Variants in LRRC4B observed in about 807,000 individuals in gnomAD.
LRRC4B encodes the protein leucine rich repeat containing 4B.
Under a neutral mutation model 7.3 loss-of-function variants are expected in LRRC4B, and 1 was observed. The observed-to-expected ratio is 0.14, with a 90% CI of 0.05 to 0.65. The LOEUF is 0.65. LRRC4B is among the 30% of genes least tolerant of loss of function. The pLI, the probability that LRRC4B is intolerant of heterozygous loss-of-function variation, is 0.84. For synonymous variants in LRRC4B, 500 were observed against 499.2 expected (o/e 1.00, Z -0.02); for missense variants, 730 against 1,041.6 (o/e 0.70, Z 4.12).
At chr19:50,533,883 A>G (rs1981157432) in intron 2 of LRRC4B, among the ~76,000 whole-genome samples, 1 of 152,178 alleles carries the variant, frequency 6.6e-6, no homozygotes, top group Non-Finnish European at 1.5e-5. Context: ...CACAGGCTCC[A>G]AAGTTGCAGA....
chr19:50,541,063 A>G (rs1414617637), intron 2 of LRRC4B, among the ~76,000 whole-genome samples: 1 of 151,888 alleles, frequency 6.6e-6, no homozygotes, highest in African/African-American at 2.4e-5. Flanking sequence ...GGGTGCCTGT[A>G]GTCCCAGCTA....
intron 2 of LRRC4B, among the ~76,000 whole-genome samples, chr19:50,531,933 C>T (rs77080826): frequency 0.014 from 2,073 of 152,272 alleles, 55 homozygotes; most frequent in African/African-American, 0.048. Flanking sequence ...ATCATTAACA[C>T]TGGTCCTGGC....
intron 2 of LRRC4B, among the ~76,000 whole-genome samples, chr19:50,525,135 C>A (rs7257813): frequency 1.2e-4 from 19 of 152,070 alleles, no homozygotes; most frequent in Non-Finnish European, 2.5e-4. Flanking sequence ...AGAGCAGAGC[C>A]CTGTTCAAAT....
chr19:50,542,126 ATTAGGAGGACT>A (rs1371556456), intron 2 of LRRC4B, among the ~76,000 whole-genome samples: 2 of 152,232 alleles, frequency 1.3e-5, no homozygotes, highest in African/African-American at 2.4e-5. Flanking sequence ...CAGTAAACAC[ATTAGGAGGACT>A]TTCTGTGGGG....
chr19:50,546,287 G>A (rs1477447601), intron 2 of LRRC4B, among the ~76,000 whole-genome samples: 3 of 151,952 alleles, frequency 2.0e-5, no homozygotes, highest in South Asian at 4.1e-4. Flanking sequence ...ATGAGCCAAC[G>A]TTGCGCCACT....
In LRRC4B at chr19:50,548,357, G is replaced by C. The variant is rs111240218; in HGVS notation, c.297+185C>G. Among the ~76,000 whole-genome samples the C allele has an allele frequency of 6.0e-3, 909 of 152,384 alleles. 12 individuals are homozygous for C. Among genetic ancestry groups the C allele is most frequent in the African/African-American group, 0.02 (827 of 41,596 alleles). ...AGGGAGCACTGTGCTCTCAAAGCCC[G>C]GAGGGCCTCCACTCCACCTCGGGAG... On this transcript the variant is annotated intron_variant, in intron 2 of 2. Transcript: ENST00000652263. The surrounding 1 kb of genome is among the most constrained non-coding windows in gnomAD (Gnocchi z 6.8).
At chr19:50,566,576 G>A (rs1206953829) in intron 1 of LRRC4B, among the ~76,000 whole-genome samples, 1 of 132,298 alleles carries the variant, frequency 7.6e-6, no homozygotes, top group Admixed American at 7.3e-5. Context: ...GGAGGCGAAG[G>A]GGTGGAGGGG....
chr19:50,542,920 C>T (rs973112840), intron 2 of LRRC4B, among the ~76,000 whole-genome samples: 17 of 152,170 alleles, frequency 1.1e-4, no homozygotes, highest in Non-Finnish European at 2.2e-4. Context: ...ACCGTCACCC[C>T]GTGGACTTAG....
chr19:50,563,293 C>G lies in LRRC4B; in HGVS notation c.-36+4651G>C, dbSNP rs1174333383. On this transcript the variant is annotated intron_variant, in intron 1 of 2. Coordinates refer to ENST00000652263, the MANE Select transcript of LRRC4B (RefSeq NM_001080457.2). This position sits in a 1 kb window ranked among gnomAD's most constrained non-coding sequence, Gnocchi z 4.9. Reference sequence around the variant, plus strand: ...CACTCTCCTTACTCTCCTGCCACCCCCTGTCTGGCGGAGCCAGCCCAGCCT... The same window carrying G: ...CACTCTCCTTACTCTCCTGCCACCCGCTGTCTGGCGGAGCCAGCCCAGCCT... Among the ~76,000 whole-genome samples, 1 of 152,228 alleles carries G rather than the reference C, an allele frequency of 6.6e-6. No homozygotes were observed. The highest frequency in any genetic ancestry group is 1.5e-5 in the Non-Finnish European group (1 of 68,030).
intron 2 of LRRC4B, among the ~76,000 whole-genome samples, chr19:50,524,651 C>A (rs1980721911): frequency 6.6e-6 from 1 of 152,210 alleles, no homozygotes; most frequent in South Asian, 2.1e-4. Context: ...ATTTATTTAG[C>A]TCAACAGGTC....
At position 50,537,452 on chromosome 19, in the gene LRRC4B, A is replaced by G. The variant is rs1197550727; in HGVS notation, c.297+11090T>C. 6.6e-6 allele frequency among the ~76,000 whole-genome samples: 1 copy of G among 152,190 alleles called. No individual in the cohort carries two copies. The highest frequency in any genetic ancestry group is 1.5e-5 in the Non-Finnish European group (1 of 68,040). On this transcript the variant is annotated intron_variant, in intron 2 of 2. Transcript: ENST00000652263. This position sits in a 1 kb window ranked among gnomAD's most constrained non-coding sequence, Gnocchi z 5.5. ...TGGTCTATTTTCTAGACGAGAAGGC[A>G]GGCTCAGAGAGGTGACTCAACGCCT...
chr19:50,535,078 C>A (rs1341834196), intron 2 of LRRC4B, among the ~76,000 whole-genome samples: 1 of 152,052 alleles, frequency 6.6e-6, no homozygotes, highest in Non-Finnish European at 1.5e-5. Context: ...CTGTGTTAGC[C>A]AGGATGGTCT....
At chr19:50,543,745 C>T (rs1022549758) in intron 2 of LRRC4B, among the ~76,000 whole-genome samples, 2 of 145,830 alleles carry the variant, frequency 1.4e-5, no homozygotes, top group Admixed American at 1.4e-4. Context: ...CTCAGCTACT[C>T]GGGAGGCTAA....
Position 50,518,315 on chromosome 19 carries a change from G to T in LRRC4B, c.1398C>A (p.Ser466Arg), listed in dbSNP as rs1017785351. 6 of 1,605,314 alleles carry T rather than the reference G, an allele frequency of 3.7e-6. No individual in the cohort carries two copies. The highest frequency in any genetic ancestry group is 4.2e-6 in the Non-Finnish European group (5 of 1,176,792). ...CACTGCCCCCAGGGCCGCCCCCGCC[G>T]CTGCCGGTGCCCCCGGCCGCCACGG... is the stretch of plus-strand genomic sequence containing the variant. ...VDPVAAGGTG[S>R]GGGGPGGSGG... Residue 466 changes from serine (S) to arginine (R), a missense_variant, in exon 3 of 3, where the codon AGC becomes AGA. Coordinates refer to ENST00000652263, the MANE Select transcript of LRRC4B (RefSeq NM_001080457.2).
At chr19:50,557,900 CA>C (rs1263647544) in intron 1 of LRRC4B, 1 of 152,124 alleles carries the variant, frequency 6.6e-6, no homozygotes, top group African/African-American at 2.4e-5. Context: ...TGAAGACAAT[CA>C]GGGGAGCCCG....
At chr19:50,527,929 G>C (rs1389386860) in intron 2 of LRRC4B, among the ~76,000 whole-genome samples, 1 of 151,708 alleles carries the variant, frequency 6.6e-6, no homozygotes, top group Non-Finnish European at 1.5e-5. Flanking sequence ...TTTTAGTAGA[G>C]ACGGGGTTTC....
At chr19:50,528,641 G>A (rs1419780279) in intron 2 of LRRC4B, among the ~76,000 whole-genome samples, 1 of 152,184 alleles carries the variant, frequency 6.6e-6, no homozygotes, top group African/African-American at 2.4e-5. Flanking sequence ...CACTGCGCCC[G>A]GCCGATTTTT....
At chr19:50,565,575 AATCT>A (rs1982603649) in intron 1 of LRRC4B, among the ~76,000 whole-genome samples, 1 of 144,592 alleles carries the variant, frequency 6.9e-6, no homozygotes, top group Non-Finnish European at 1.5e-5. Context: ...CTGCCAGGGG[AATCT>A]TTGCCTCCAC....
At chr19:50,536,817 G>A (rs1429673744) in intron 2 of LRRC4B, among the ~76,000 whole-genome samples, 1 of 152,196 alleles carries the variant, frequency 6.6e-6, no homozygotes, top group Non-Finnish European at 1.5e-5. Context: ...GGGTGGGAAG[G>A]AAGGGGCTGG....
Sources: allele counts gnomAD v4.1 joint callset (sites outside exome capture counted in the v4.1 genomes callset), GRCh38; gene constraint gnomAD v4.1.1; non-coding constraint Gnocchi (gnomAD v3.1); transcripts MANE v1.5; gene names NCBI Gene and HGNC (gene_info 2026-07-23, HGNC 2026-07-21).